Variants in HDAC7 observed in about 807,000 individuals in gnomAD.
The protein encoded by HDAC7 is histone deacetylase 7.
In HDAC7, 26 loss-of-function variants were observed where a neutral mutation model predicts 115.5. The observed-to-expected ratio is 0.23, with a 90% CI of 0.16 to 0.31. The LOEUF (loss-of-function observed/expected upper bound fraction) is 0.31, where lower values mean the gene tolerates loss of function less well. Ranked by LOEUF, HDAC7 falls within the 10% of genes least tolerant of loss-of-function variation. The pLI is 1.00. For missense variants in HDAC7, 1,068 were observed against 1,329.0 expected (o/e 0.80, Z 3.05); for synonymous variants, 564 against 550.9 (o/e 1.02, Z -0.33).
chr12:47,808,557 T>A (rs1592690668), intron 1 of HDAC7, among the ~76,000 whole-genome samples: 1 of 152,106 alleles, frequency 6.6e-6, no homozygotes, highest in East Asian at 1.9e-4. Flanking sequence ...GGTTTCTGGG[T>A]CTGGCACTCT....
rs763146713 is a variant in HDAC7, at chr12:47,794,783, C to T, written c.1435G>A (p.Ala479Thr). 9 of 1,607,686 alleles carry T rather than the reference C, an allele frequency of 5.6e-6. No homozygotes were observed. The highest frequency in any genetic ancestry group is 4.5e-5 in the East Asian group (2 of 44,582). Residue 479 changes from alanine to threonine, a missense_variant, in exon 12 of 26, where the codon GCT becomes ACT. Physicochemically the swap from Ala to Thr is moderately conservative, Grantham distance 58. This residue lies in a region of HDAC7 where 618 missense variants were observed against 701.5 expected (regional missense o/e 0.88). Transcript: ENST00000080059. ...GHGQPEARGP[A>T]PLQQHPQVLL... is the part of the protein sequence containing the mutation. ...ACCTGAGGGTGCTGCTGGAGAGGAG[C>T]GGGGCCTCTGGCCTCAGGCTGCCCA...
At chr12:47,814,903 A>G (rs990896004) in intron 1 of HDAC7, among the ~76,000 whole-genome samples, 7 of 152,124 alleles carry the variant, frequency 4.6e-5, no homozygotes, top group African/African-American at 1.7e-4. Context: ...TGCCCAGTTC[A>G]TTTCCTTCTT....
chr12:47,811,539 G>C (rs181989594), intron 1 of HDAC7, among the ~76,000 whole-genome samples: 1 of 152,140 alleles, frequency 6.6e-6, no homozygotes, highest in African/African-American at 2.4e-5. Context: ...AGACACATAC[G>C]GAAATGGAAA....
rs1439127126 is a variant in HDAC7, at chr12:47,795,719, T to C, written c.955A>G (p.Ile319Val). ...THPTLGPRGP[I>V]LGSPHTPLFL... ...AGGGGAGTGTGGGGGCTCCCCAGGA[T>C]TGGCCCCCGAGGGCCCAGAGTCGGA... Residue 319 changes from isoleucine to valine, a missense_variant, in exon 10 of 26, where the codon ATC (isoleucine) becomes GTC (valine). By Grantham distance (29) the Ile-to-Val change is conservative. Around this residue, in one of 6 missense-constraint regions of HDAC7, gnomAD observed 618 missense variants for 701.5 expected, o/e 0.88. Coordinates refer to ENST00000080059, the MANE Select transcript of HDAC7 (RefSeq NM_015401.5). The surrounding 1 kb of genome is among the most constrained non-coding windows in gnomAD (Gnocchi z 4.3). 5 of 1,547,462 alleles carry C rather than the reference T, an allele frequency of 3.2e-6. No individual in the cohort carries two copies. The South Asian group carries it at 3.6e-5, about 11-fold the overall frequency.
intron 2 of HDAC7, among the ~76,000 whole-genome samples, chr12:47,801,482 C>T (rs1430344396): frequency 6.6e-6 from 1 of 150,838 alleles, no homozygotes; most frequent in Non-Finnish European, 1.5e-5. Context: ...TATTTTTTTT[C>T]GCTTTGTATT....
chr12:47,791,730 T>G (rs1339461740), intron 14 of HDAC7, 24 bp from the exon 15 acceptor site: 7 of 1,612,366 alleles, frequency 4.3e-6, no homozygotes, highest in Non-Finnish European at 5.9e-6. Flanking sequence ...CACAGAGCTC[T>G]GAGCTCATGC....
intron 13 of HDAC7, chr12:47,792,308 C>T: frequency 2.2e-6 from 1 of 451,532 alleles, no homozygotes; most frequent in East Asian, 4.0e-5. Context: ...TGCTGGGTGG[C>T]CCAGGACTCG....
intron 17 of HDAC7, 87 bp downstream of exon 17, chr12:47,789,726 A>G: frequency 2.2e-6 from 3 of 1,364,896 alleles, no homozygotes; most frequent in South Asian, 1.2e-5. Context: ...GAGGAATGCG[A>G]TGCCTGGGGT....
At position 47,794,320 on chromosome 12, in the gene HDAC7, G is replaced by A. The variant is rs112147579; in HGVS notation, c.1458+440C>T. On this transcript the variant is annotated intron_variant, in intron 12 of 25. Coordinates refer to ENST00000080059, the MANE Select transcript of HDAC7 (RefSeq NM_015401.5). ...ATGGTAAATGCCTGCTGTTTAAGGC[G>A]CCCAGCCTGTATCCCAACAGCTCCG... Among the ~76,000 whole-genome samples the A allele has an allele frequency of 8.7e-3, 1,333 of 152,344 alleles. 20 individuals are homozygous for A. The highest frequency in any genetic ancestry group is 0.03 in the African/African-American group (1,261 of 41,576).
intron 22 of HDAC7, among the ~76,000 whole-genome samples, chr12:47,786,376 A>G (rs1471466033): frequency 6.6e-6 from 1 of 152,222 alleles, no homozygotes. Flanking sequence ...CTCCGTGGTG[A>G]ACCGGCCTGG....
intron 12 of HDAC7, 45 bp downstream of exon 12, chr12:47,794,715 G>A: frequency 6.7e-7 from 1 of 1,495,478 alleles, no homozygotes; most frequent in Non-Finnish European, 8.9e-7. Flanking sequence ...AGGCCCCAGA[G>A]TCTTCTGAGG....
Position 47,785,736 on chromosome 12 carries a change from G to T in HDAC7, c.2706+16C>A, listed in dbSNP as rs77705540. On this transcript the variant is annotated intron_variant, in intron 23 of 25. Coordinates refer to ENST00000080059, the MANE Select transcript of HDAC7 (RefSeq NM_015401.5). ...CTGCCTGACAGAAGCATGGATGGGG[G>T]AGGGAGACGGCTCACCCTGTTACCC... is the stretch of plus-strand genomic sequence containing the variant. 361 of 1,599,254 alleles carry T rather than the reference G, an allele frequency of 2.3e-4. 3 individuals carry two copies. The East Asian group carries it at 5.3e-3, about 23-fold the overall frequency.
chr12:47,806,683 C>T (rs918103186), intron 1 of HDAC7, among the ~76,000 whole-genome samples: 9 of 152,006 alleles, frequency 5.9e-5, no homozygotes, highest in African/African-American at 1.7e-4. Context: ...AGCAAGACTC[C>T]GTCTCAAAAA....
At chr12:47,790,158 G>A in intron 16 of HDAC7, 1 of 536,414 alleles carries the variant, frequency 1.9e-6, no homozygotes, top group South Asian at 2.1e-5. Context: ...CACTCTGCTG[G>A]CAGCATCACG....
At chr12:47,816,527 G>C (rs1944854227) in intron 1 of HDAC7, among the ~76,000 whole-genome samples, 1 of 152,080 alleles carries the variant, frequency 6.6e-6, no homozygotes, top group Admixed American at 6.5e-5. Context: ...AGGGTCTGGG[G>C]GGAGGGGTAC....
intron 24 of HDAC7, chr12:47,784,468 C>A: frequency 1.7e-6 from 1 of 602,806 alleles, no homozygotes; most frequent in Non-Finnish European, 2.9e-6. Context: ...GCCTTTCTCT[C>A]ATCCCCTGTG....
rs990634531 is a variant in HDAC7 at position 47,798,309 on chromosome 12, T to C, written c.350-90A>G. The C allele has an allele frequency of 9.1e-7, 1 of 1,099,058 alleles. No homozygotes were observed. The highest frequency in any genetic ancestry group is 1.4e-6 in the Non-Finnish European group (1 of 721,858). 68.1% of individuals were successfully genotyped at this position (1,099,058 alleles called of 1,614,324 possible). On this transcript the variant is annotated intron_variant, in intron 4 of 25. Coordinates refer to ENST00000080059, the MANE Select transcript of HDAC7 (RefSeq NM_015401.5). The surrounding 1 kb of genome is among the most constrained non-coding windows in gnomAD (Gnocchi z 4.3). ...GCCACTGCCCTGTCCCCATCCTCAG[T>C]AGGAGGCGTCCCAGGGACTCCCTAG...
chr12:47,797,296 G>GC lies in HDAC7; in HGVS notation c.577+87dup. 5.7e-6 allele frequency: 5 copies of GC among 870,708 alleles called. No homozygotes were observed. Among genetic ancestry groups the GC allele is most frequent in the Admixed American group, 4.7e-5 (2 of 42,360 alleles). 53.9% of individuals were successfully genotyped at this position (870,708 alleles called of 1,614,324 possible). A position where few individuals can be genotyped will look rare whatever the true frequency, so the allele number is the denominator to read the frequency against. On this transcript the variant is annotated intron_variant, in intron 6 of 25. Transcript: ENST00000080059. This position sits in a 1 kb window ranked among gnomAD's most constrained non-coding sequence, Gnocchi z 5.5. ...ACCGATGATCTCCTGGCCCAGCCCA[G>GC]CCCGCCCACCCCTGCACACTCCTCC... is the stretch of plus-strand genomic sequence containing the variant.
chr12:47,795,018 T>A lies in HDAC7; in HGVS notation c.1285-85A>T. The A allele has an allele frequency of 7.0e-7, 1 of 1,437,162 alleles. No homozygotes were observed. Among genetic ancestry groups the A allele is most frequent in the South Asian group, 1.3e-5 (1 of 76,480 alleles). 89.0% of individuals were successfully genotyped at this position (1,437,162 alleles called of 1,614,324 possible). ...GTGGTGGGCTGGGCCAGGCAGCCAG[T>A]CATCTTGCTAGGACTCCAGCTGCCA... On this transcript the variant is annotated intron_variant, in intron 11 of 25. Coordinates refer to ENST00000080059, the MANE Select transcript of HDAC7 (RefSeq NM_015401.5). This position sits in a 1 kb window ranked among gnomAD's most constrained non-coding sequence, Gnocchi z 4.3.
Sources: allele counts gnomAD v4.1 joint callset (sites outside exome capture counted in the v4.1 genomes callset), GRCh38; gene constraint gnomAD v4.1.1; regional missense constraint gnomAD v4.1.1; non-coding constraint Gnocchi (gnomAD v3.1); transcripts MANE v1.5; gene names NCBI Gene and HGNC (gene_info 2026-07-23, HGNC 2026-07-21).